TASP1: variants seen among roughly 807,000 people sequenced by gnomAD.
TASP1 encodes threonine aspartase 1.
In TASP1, 16 loss-of-function variants were observed where a neutral mutation model predicts 56.6. The observed-to-expected ratio is 0.28, with a 90% confidence interval of 0.19 to 0.43. TASP1 has a LOEUF of 0.43. TASP1 is among the 20% of genes least tolerant of loss of function. The pLI, the probability that TASP1 is intolerant of heterozygous loss-of-function variation, is 1.00. For missense variants in TASP1, 393 were observed against 511.6 expected, an observed-to-expected ratio of 0.77 and a Z score of 2.24; for synonymous variants, 179 against 184.2, an observed-to-expected ratio of 0.97 and a Z score of 0.23.
chr20:13,136,158 A>G, the TASP1 span, among the ~76,000 whole-genome samples: 10 of 152,338 alleles, frequency 6.6e-5, 1 homozygote, highest in South Asian at 1.5e-3. Flanking sequence ...CTCTGCCCTT[A>G]AACTGAAGGA....
At chr20:13,633,037 G>A (rs929113295) in intron 1 of TASP1, among the ~76,000 whole-genome samples, 3 of 152,166 alleles carry the variant, frequency 2.0e-5, no homozygotes, top group Non-Finnish European at 2.9e-5. Context: ...AGTTGCTAGC[G>A]GCAGTATAAA....
intron 10 of TASP1, among the ~76,000 whole-genome samples, chr20:13,507,262 G>A (rs2044166497): frequency 1.3e-5 from 2 of 152,222 alleles, no homozygotes; most frequent in South Asian, 4.1e-4. Flanking sequence ...GCTAGGAACA[G>A]TGGCTCACTC....
the TASP1 span, among the ~76,000 whole-genome samples, chr20:13,175,427 T>C: frequency 6.6e-6 from 1 of 152,308 alleles, no homozygotes; most frequent in South Asian, 2.1e-4. Context: ...AACAGAGGTT[T>C]TTCCCTCTTT....
At chr20:13,230,567 T>C in the TASP1 span, among the ~76,000 whole-genome samples, 1 of 152,130 alleles carries the variant, frequency 6.6e-6, no homozygotes, top group East Asian at 1.9e-4. Flanking sequence ...AATTTTATGA[T>C]TTGTAAAGAA....
chr20:13,130,506 A>C, the TASP1 span, among the ~76,000 whole-genome samples: 3 of 152,376 alleles, frequency 2.0e-5, no homozygotes, highest in Middle Eastern at 3.4e-3. Flanking sequence ...TACAGGAATA[A>C]GGTCAGTGTT....
At chr20:13,139,142 G>GT in the TASP1 span, among the ~76,000 whole-genome samples, 1 of 152,146 alleles carries the variant, frequency 6.6e-6, no homozygotes, top group Admixed American at 6.5e-5. Flanking sequence ...CACTTAGGAT[G>GT]TTTTTCAATC....
chr20:13,458,651 C>T (rs921243323), intron 11 of TASP1, among the ~76,000 whole-genome samples: 2 of 152,018 alleles, frequency 1.3e-5, no homozygotes, highest in Non-Finnish European at 2.9e-5. Context: ...CATAGTTAAG[C>T]TTAATTATCA....
At chr20:13,628,543 G>A (rs1448109909) in intron 2 of TASP1, among the ~76,000 whole-genome samples, 1 of 152,132 alleles carries the variant, frequency 6.6e-6, no homozygotes, top group African/African-American at 2.4e-5. Context: ...GATTTGTTTA[G>A]ATACTCTGGA....
the TASP1 span, among the ~76,000 whole-genome samples, chr20:13,211,807 G>C: frequency 6.6e-6 from 1 of 152,040 alleles, no homozygotes; most frequent in Non-Finnish European, 1.5e-5. Flanking sequence ...CCTACCCACA[G>C]TTTCTTTTTG....
intron 10 of TASP1, among the ~76,000 whole-genome samples, chr20:13,493,315 T>A (rs995833084): frequency 6.6e-6 from 1 of 152,172 alleles, no homozygotes; most frequent in African/African-American, 2.4e-5. Context: ...CAGAGGAGAC[T>A]GACATTTGAG....
intron 11 of TASP1, among the ~76,000 whole-genome samples, chr20:13,475,484 CA>C (rs2044692819): frequency 6.6e-6 from 1 of 152,130 alleles, no homozygotes; most frequent in Non-Finnish European, 1.5e-5. Flanking sequence ...GCACATGTTC[CA>C]CTTTTCATGA....
At chr20:13,597,154 AAG>A (rs1421856329) in intron 4 of TASP1, among the ~76,000 whole-genome samples, 1 of 152,190 alleles carries the variant, frequency 6.6e-6, no homozygotes, top group Non-Finnish European at 1.5e-5. Flanking sequence ...TCAATAGAAA[AAG>A]AGAGAATCCT....
At chr20:13,151,219 T>C in the TASP1 span, among the ~76,000 whole-genome samples, 1 of 152,262 alleles carries the variant, frequency 6.6e-6, no homozygotes, top group Admixed American at 6.5e-5. Context: ...TTTCTACTCT[T>C]ACTACCAACT....
At chr20:13,220,214 A>C in the TASP1 span, among the ~76,000 whole-genome samples, 53 of 152,286 alleles carry the variant, frequency 3.5e-4, no homozygotes, top group South Asian at 0.011. Context: ...TCCCGGCCGG[A>C]CTGAGCGTCC....
At position 13,606,168 on chromosome 20, in the gene TASP1, A is replaced by G. The variant is rs1183815140; in HGVS notation, c.282+17278T>C. ...GTGTGTGTGTGTGTAGATGCATTAC[A>G]TGTATGTATAAATACCTGAGGTCCC... On this transcript the variant is annotated intron_variant, in intron 4 of 13. Transcript: ENST00000337743. Among the ~76,000 whole-genome samples, 3 of 151,870 alleles carry G rather than the reference A, an allele frequency of 2.0e-5. No individual in the cohort carries two copies. In the East Asian group the frequency reaches 5.8e-4, roughly 29 times the overall value.
At chr20:13,307,430 A>C in the TASP1 span, among the ~76,000 whole-genome samples, 1 of 152,214 alleles carries the variant, frequency 6.6e-6, no homozygotes, top group African/African-American at 2.4e-5. Context: ...CTCATGAAGG[A>C]GCTCTCTGGG....
intron 8 of TASP1, among the ~76,000 whole-genome samples, chr20:13,550,293 A>G (rs1333506821): frequency 6.6e-6 from 1 of 152,004 alleles, no homozygotes; most frequent in African/African-American, 2.4e-5. Context: ...ATCCTCATAT[A>G]CTGAAAACAA....
At chr20:13,447,423 C>T (rs2086925878) in intron 11 of TASP1, among the ~76,000 whole-genome samples, 1 of 152,094 alleles carries the variant, frequency 6.6e-6, no homozygotes, top group Non-Finnish European at 1.5e-5. Context: ...AGGCAACCCC[C>T]AATTTTGTTT....
chr20:13,525,885 G>A (rs2044959377), intron 10 of TASP1, among the ~76,000 whole-genome samples: 1 of 152,118 alleles, frequency 6.6e-6, no homozygotes, highest in African/African-American at 2.4e-5. Flanking sequence ...AGCTTGCGAA[G>A]AGTATAACAT....
Sources: gnomAD v4.1 joint callset for allele counts (sites outside exome capture counted in the v4.1 genomes callset) on GRCh38, gnomAD v4.1.1 for gene constraint, MANE v1.5 for transcripts, NCBI Gene and HGNC (gene_info 2026-07-23, HGNC 2026-07-21) for gene names.